The following AUTS2 variants were observed in gnomAD, a reference collection of about 807,000 sequenced individuals.
AUTS2 encodes the protein activator of transcription and developmental regulator AUTS2.
Under a neutral mutation model 112.4 loss-of-function variants are expected in AUTS2, and 17 were observed. That is an observed-to-expected ratio of 0.15 (90% CI 0.10 to 0.23). The LOEUF (loss-of-function observed/expected upper bound fraction) is 0.23, where lower values mean the gene tolerates loss of function less well. Ranked by LOEUF, AUTS2 falls within the 10% of genes least tolerant of loss-of-function variation. The pLI, the probability that AUTS2 is intolerant of heterozygous loss-of-function variation, is 1.00. For missense variants in AUTS2, 1,510 were observed against 1,701.6 expected, an observed-to-expected ratio of 0.89 and a Z score of 1.98; for synonymous variants, 751 against 702.7, an observed-to-expected ratio of 1.07 and a Z score of -1.09.
At chr7:69,774,048 C>T (rs534831766) in intron 1 of AUTS2, among the ~76,000 whole-genome samples, 10 of 152,320 alleles carry the variant, frequency 6.6e-5, no homozygotes, top group South Asian at 2.1e-4. Flanking sequence ...GTGATGATAG[C>T]GCCCTGGAGG....
intron 1 of AUTS2, among the ~76,000 whole-genome samples, chr7:69,637,054 C>T (rs1256490372): frequency 5.3e-5 from 8 of 152,134 alleles, no homozygotes; most frequent in South Asian, 2.1e-4. Context: ...TGTGAGCCAC[C>T]GCGCCCGGCC....
chr7:70,186,858 C>T (rs763966099), intron 4 of AUTS2, among the ~76,000 whole-genome samples: 9 of 152,166 alleles, frequency 5.9e-5, no homozygotes, highest in Non-Finnish European at 1.0e-4. Context: ...CATGAGCCAC[C>T]GTGCCCAGCC....
intron 4 of AUTS2, among the ~76,000 whole-genome samples, chr7:70,391,828 C>T (rs990524087): frequency 2.0e-5 from 3 of 152,112 alleles, no homozygotes; most frequent in Admixed American, 2.0e-4. Context: ...AAAAGCAAAT[C>T]GCCTGTGTTG....
chr7:70,294,575 G>A (rs183630698), intron 4 of AUTS2, among the ~76,000 whole-genome samples: 4 of 152,294 alleles, frequency 2.6e-5, no homozygotes, highest in African/African-American at 4.8e-5. Flanking sequence ...CAGTAAAAAC[G>A]ATAAGCTTCT....
intron 1 of AUTS2, among the ~76,000 whole-genome samples, chr7:69,835,228 C>G (rs1475623280): frequency 2.0e-5 from 3 of 151,836 alleles, no homozygotes; most frequent in Non-Finnish European, 4.4e-5. Context: ...AGTAACAGAG[C>G]CTCAGAGCTC....
chr7:69,600,577 G>A (rs1792340096), intron 1 of AUTS2, among the ~76,000 whole-genome samples: 1 of 149,978 alleles, frequency 6.7e-6, no homozygotes, highest in Middle Eastern at 3.2e-3. Context: ...GGGGAAGGGG[G>A]CGTTTTCTCC....
intron 1 of AUTS2, among the ~76,000 whole-genome samples, chr7:69,623,326 A>C (rs1350273028): frequency 1.3e-5 from 2 of 150,124 alleles, no homozygotes; most frequent in African/African-American, 4.9e-5. Context: ...GGGCTCAAGC[A>C]GTTCTCCTGC....
At chr7:70,643,382 C>T (rs1307669611) in intron 5 of AUTS2, among the ~76,000 whole-genome samples, 1 of 152,170 alleles carries the variant, frequency 6.6e-6, no homozygotes, top group Non-Finnish European at 1.5e-5. Context: ...ACCATCCTGG[C>T]CAACAGGGTG....
intron 5 of AUTS2, among the ~76,000 whole-genome samples, chr7:70,576,246 C>T (rs977891814): frequency 2.0e-5 from 3 of 152,116 alleles, no homozygotes; most frequent in African/African-American, 7.2e-5. Flanking sequence ...CTACAAGAGA[C>T]CCATCTGAGT....
chr7:70,529,258 G>A (rs1241765133), intron 5 of AUTS2, among the ~76,000 whole-genome samples: 1 of 152,220 alleles, frequency 6.6e-6, no homozygotes, highest in African/African-American at 2.4e-5. Context: ...CGATAGCAGT[G>A]TAGATTGCAT....
intron 1 of AUTS2, among the ~76,000 whole-genome samples, chr7:69,743,294 T>A (rs1049187589): frequency 6.6e-6 from 1 of 152,188 alleles, no homozygotes; most frequent in African/African-American, 2.4e-5. Context: ...ACACAGAGGA[T>A]GTGCTTAGTA....
intron 4 of AUTS2, among the ~76,000 whole-genome samples, chr7:70,171,890 A>C (rs1241525380): frequency 7.1e-6 from 1 of 140,550 alleles, no homozygotes; most frequent in Non-Finnish European, 1.5e-5. Context: ...TTTATTATAA[A>C]CAAGTTTTTT....
At chr7:70,771,972 CAG>C (rs751540258) in intron 11 of AUTS2, among the ~76,000 whole-genome samples, 13 of 152,168 alleles carry the variant, frequency 8.5e-5, no homozygotes, top group Non-Finnish European at 1.6e-4. Context: ...TATGAAATAT[CAG>C]ACACATGTGC....
intron 1 of AUTS2, among the ~76,000 whole-genome samples, chr7:69,783,099 T>C (rs900829949): frequency 4.7e-5 from 7 of 149,586 alleles, no homozygotes; most frequent in African/African-American, 1.7e-4. Context: ...TTTTTTTTTT[T>C]TTTTTTTTTT....
At chr7:70,013,812 G>C (rs1799909163) in intron 2 of AUTS2, among the ~76,000 whole-genome samples, 1 of 152,112 alleles carries the variant, frequency 6.6e-6, no homozygotes, top group Non-Finnish European at 1.5e-5. Context: ...CCGCCTCCCG[G>C]GTTCAAGCGA....
rs148490075 is a variant in AUTS2, at chr7:69,755,521, G to A, written c.310-143765G>A. Among the ~76,000 whole-genome samples, 59 of 152,028 alleles carry A rather than the reference G, an allele frequency of 3.9e-4. 1 individual carries two copies. Among genetic ancestry groups the A allele is most frequent in the Admixed American group, 1.0e-3 (16 of 15,252 alleles). ...TTAATAATTAGAATTCTCACTCTAC[G>A]CTTCCTTTTTCTGTTTGATTTTACG... On this transcript the variant is annotated intron_variant, in intron 1 of 18. Transcript: ENST00000342771.
At chr7:70,373,871 C>T (rs549860191) in intron 4 of AUTS2, among the ~76,000 whole-genome samples, 6 of 151,974 alleles carry the variant, frequency 3.9e-5, no homozygotes, top group South Asian at 2.1e-4. Context: ...TTTAGTGAAT[C>T]GTATATACTG....
intron 1 of AUTS2, among the ~76,000 whole-genome samples, chr7:69,624,771 C>G (rs1395682392): frequency 2.6e-5 from 4 of 152,194 alleles, no homozygotes. Flanking sequence ...GAATGGCTCT[C>G]CATCTTCCCA....
chr7:70,536,424 A>G (rs975187683), intron 5 of AUTS2, among the ~76,000 whole-genome samples: 31 of 152,002 alleles, frequency 2.0e-4, no homozygotes, highest in Admixed American at 1.6e-3. Context: ...TAGCCCAACC[A>G]TGGTGGAAGA....
Sources: allele counts gnomAD v4.1 joint callset (sites outside exome capture counted in the v4.1 genomes callset), GRCh38; gene constraint gnomAD v4.1.1; transcripts MANE v1.5; gene names NCBI Gene and HGNC (gene_info 2026-07-23, HGNC 2026-07-21).